The following DCHS2 variants were observed in gnomAD, a reference collection of about 807,000 sequenced individuals.
The protein encoded by DCHS2 is protocadherin-23.
DCHS2 carries 142 observed loss-of-function variants against 182.4 expected under a neutral mutation model. The ratio of observed to expected loss-of-function variants is 0.78; its 90% CI spans 0.68 to 0.89. The LOEUF (loss-of-function observed/expected upper bound fraction) is 0.89, where lower values mean the gene tolerates loss of function less well. Among genes scored for constraint, DCHS2 ranks in the 40% least tolerant of loss-of-function variants. The pLI, the probability that DCHS2 is intolerant of heterozygous loss-of-function variation, is 0.00. For synonymous variants in DCHS2, 1,740 were observed against 1,663.3 expected, an observed-to-expected ratio of 1.05 and a Z score of -1.12; for missense variants, 4,319 against 4,198.6, an observed-to-expected ratio of 1.03 and a Z score of -0.79.
chr4:154,238,688 A>G (rs1375276570), intron 19 of DCHS2, among the ~76,000 whole-genome samples: 1 of 152,228 alleles, frequency 6.6e-6, no homozygotes, highest in African/African-American at 2.4e-5. Flanking sequence ...AGATGCTTAA[A>G]TAATTTTCCT....
intron 5 of DCHS2, 60 bp from the exon 6 acceptor site, chr4:154,329,770 A>T: frequency 4.1e-6 from 6 of 1,451,558 alleles, no homozygotes; most frequent in Non-Finnish European, 5.6e-6. Context: ...CCAGGGCCAG[A>T]ACCATTTCCA....
At chr4:154,358,835 C>G (rs992259499) in intron 3 of DCHS2, among the ~76,000 whole-genome samples, 2 of 151,294 alleles carry the variant, frequency 1.3e-5, no homozygotes, top group Admixed American at 1.3e-4. Flanking sequence ...AAACTAAGCT[C>G]TCTATTAGAA....
intron 3 of DCHS2, among the ~76,000 whole-genome samples, chr4:154,361,398 A>G (rs1730114718): frequency 6.6e-6 from 1 of 152,184 alleles, no homozygotes; most frequent in South Asian, 2.1e-4. Flanking sequence ...CCCAAAGCTA[A>G]AGAACTGCTC....
chr4:154,386,191 C>T (rs1731407135), intron 1 of DCHS2, among the ~76,000 whole-genome samples: 1 of 152,196 alleles, frequency 6.6e-6, no homozygotes, highest in Admixed American at 6.5e-5. Flanking sequence ...TCAACAACTT[C>T]CCATCCTACC....
intron 1 of DCHS2, among the ~76,000 whole-genome samples, chr4:154,453,832 A>G (rs1734645635): frequency 6.6e-6 from 1 of 152,178 alleles, no homozygotes; most frequent in Admixed American, 6.5e-5. Flanking sequence ...GCATCTCTGA[A>G]CTGACATAAT....
rs1347345281 is a variant in DCHS2 at position 154,331,492 on chromosome 4, T to C, written c.3730+986A>G. 18 of 1,418,176 alleles carry C rather than the reference T, an allele frequency of 1.3e-5. No homozygotes were observed. In the East Asian group the frequency reaches 4.2e-4, roughly 33 times the overall value. The allele number at this position is 1,418,176 out of a possible 1,614,324, so 87.8% of individuals were successfully genotyped here. ...TGCCCTTGCAGCAGGAGTCTCAGTT[T>C]AGGGAGTGAATGAGAGTGGAAAGGC... On this transcript the variant is annotated intron_variant, in intron 5 of 19. Transcript: ENST00000357232.
chr4:154,419,089 G>A (rs1732991036), intron 1 of DCHS2, among the ~76,000 whole-genome samples: 1 of 151,772 alleles, frequency 6.6e-6, no homozygotes, highest in African/African-American at 2.4e-5. Context: ...CTGAGTAGGT[G>A]ACTCAATTTA....
intron 12 of DCHS2, among the ~76,000 whole-genome samples, chr4:154,302,871 A>G (rs1198710602): frequency 3.4e-5 from 5 of 148,158 alleles, no homozygotes; most frequent in African/African-American, 1.2e-4. Flanking sequence ...ACGTGTATAT[A>G]TACACACATA....
chr4:154,449,567 T>C (rs1734449384), intron 1 of DCHS2, among the ~76,000 whole-genome samples: 1 of 152,004 alleles, frequency 6.6e-6, no homozygotes, highest in African/African-American at 2.4e-5. Flanking sequence ...GAGATGAGGT[T>C]TCATTATGTT....
chr4:154,483,566 C>T (rs1004882256), intron 1 of DCHS2, among the ~76,000 whole-genome samples: 6 of 152,168 alleles, frequency 3.9e-5, no homozygotes, highest in African/African-American at 1.2e-4. Context: ...CTTCACTGCA[C>T]ATGGGGACTG....
At chr4:154,303,373 A>C (rs917399940) in intron 12 of DCHS2, among the ~76,000 whole-genome samples, 8 of 151,950 alleles carry the variant, frequency 5.3e-5, no homozygotes, top group African/African-American at 1.9e-4. Flanking sequence ...GTCAATATTT[A>C]GGATATGCTG....
At chr4:154,278,382 AG>A (rs1452193797) in intron 13 of DCHS2, among the ~76,000 whole-genome samples, 2 of 152,066 alleles carry the variant, frequency 1.3e-5, no homozygotes, top group African/African-American at 4.8e-5. Flanking sequence ...GACATCATCA[AG>A]TGGACCAATA....
At chr4:154,346,639 A>C (rs960398588) in intron 3 of DCHS2, among the ~76,000 whole-genome samples, 7 of 152,052 alleles carry the variant, frequency 4.6e-5, no homozygotes, top group Admixed American at 1.3e-4. Flanking sequence ...TCATGCTTAA[A>C]GTCGAATTCC....
At chr4:154,359,865 T>C (rs1240397155) in intron 3 of DCHS2, among the ~76,000 whole-genome samples, 2 of 152,062 alleles carry the variant, frequency 1.3e-5, no homozygotes, top group African/African-American at 2.4e-5. Flanking sequence ...ATTCAACAGA[T>C]AATTTGGTGT....
chr4:154,423,880 C>T (rs765723252), intron 1 of DCHS2, among the ~76,000 whole-genome samples: 4 of 152,172 alleles, frequency 2.6e-5, no homozygotes, highest in African/African-American at 9.7e-5. Context: ...TGAGATTCTA[C>T]ATTTCTAACA....
intron 1 of DCHS2, among the ~76,000 whole-genome samples, chr4:154,415,690 TA>T (rs1215652774): frequency 6.6e-5 from 10 of 152,010 alleles, no homozygotes; most frequent in African/African-American, 2.4e-4. Flanking sequence ...CGAGCGTCAG[TA>T]AGATGGAGCT....
At chr4:154,400,501 T>C (rs1451345986) in intron 1 of DCHS2, among the ~76,000 whole-genome samples, 2 of 151,970 alleles carry the variant, frequency 1.3e-5, no homozygotes, top group Non-Finnish European at 2.9e-5. Context: ...TAAATGAGAG[T>C]TGGATGCTAC....
chr4:154,341,187 T>G (rs1425790510), intron 3 of DCHS2, among the ~76,000 whole-genome samples: 1 of 151,868 alleles, frequency 6.6e-6, no homozygotes, highest in African/African-American at 2.4e-5. Flanking sequence ...GCTAACACAG[T>G]GAAACTCCGT....
chr4:154,463,012 T>C (rs144249357), intron 1 of DCHS2, among the ~76,000 whole-genome samples: 1 of 151,962 alleles, frequency 6.6e-6, no homozygotes, highest in African/African-American at 2.4e-5. Flanking sequence ...AGTAAGACTC[T>C]TCCCCATACC....
Sources: gnomAD v4.1 joint callset for allele counts (sites outside exome capture counted in the v4.1 genomes callset) on GRCh38, gnomAD v4.1.1 for gene constraint, MANE v1.5 for transcripts, NCBI Gene and HGNC (gene_info 2026-07-23, HGNC 2026-07-21) for gene names.